ALCAM: variants seen among roughly 807,000 people sequenced by gnomAD.
ALCAM encodes CD166 antigen.
In ALCAM, 30 loss-of-function variants were observed where a neutral mutation model predicts 70.9. The observed-to-expected ratio is 0.42, with a 90% confidence interval of 0.32 to 0.57. The LOEUF (loss-of-function observed/expected upper bound fraction) is 0.57, where lower values mean the gene tolerates loss of function less well. ALCAM is among the 20% of genes least tolerant of loss of function. The probability of loss-of-function intolerance (pLI) is 0.11; values close to 1 mark genes in which losing one functional copy is unlikely to be tolerated. For missense variants in ALCAM, 591 were observed against 695.1 expected, an observed-to-expected ratio of 0.85 and a Z score of 1.68; for synonymous variants, 249 against 242.5, an observed-to-expected ratio of 1.03 and a Z score of -0.25.
chr3:105,470,142 C>T (rs1459169218), intron 1 of ALCAM, among the ~76,000 whole-genome samples: 4 of 150,112 alleles, frequency 2.7e-5, no homozygotes, highest in East Asian at 1.9e-4. Flanking sequence ...TACACACACA[C>T]ACACACACAC....
At chr3:105,369,779 C>T (rs1222048711) in intron 1 of ALCAM, among the ~76,000 whole-genome samples, 1 of 152,112 alleles carries the variant, frequency 6.6e-6, no homozygotes, top group African/African-American at 2.4e-5. Context: ...CCGGGTCTTT[C>T]GGCTTGTAGT....
intron 1 of ALCAM, among the ~76,000 whole-genome samples, chr3:105,475,037 G>C (rs1351653709): frequency 6.6e-6 from 1 of 151,794 alleles, no homozygotes; most frequent in Non-Finnish European, 1.5e-5. Flanking sequence ...TGGCTGGTGG[G>C]TTCATCTCAT....
At chr3:105,376,816 A>G (rs1935390594) in intron 1 of ALCAM, among the ~76,000 whole-genome samples, 1 of 152,130 alleles carries the variant, frequency 6.6e-6, no homozygotes, top group Admixed American at 6.5e-5. Context: ...AAATAACATG[A>G]CTGAGGATGC....
At chr3:105,479,647 A>G (rs1938216620) in intron 1 of ALCAM, among the ~76,000 whole-genome samples, 2 of 152,152 alleles carry the variant, frequency 1.3e-5, no homozygotes, top group African/African-American at 4.8e-5. Flanking sequence ...AGTCTGCTTT[A>G]GCTTGTTAAC....
At chr3:105,441,496 AG>A (rs1438159058) in intron 1 of ALCAM, among the ~76,000 whole-genome samples, 2 of 152,208 alleles carry the variant, frequency 1.3e-5, no homozygotes. Context: ...ATCAATTGAA[AG>A]AAAAAGTCTT....
intron 1 of ALCAM, among the ~76,000 whole-genome samples, chr3:105,373,415 A>G (rs1935291685): frequency 1.3e-5 from 2 of 152,210 alleles, no homozygotes; most frequent in Non-Finnish European, 1.5e-5. Flanking sequence ...CTTGAGGGAG[A>G]TAAATCTCAA....
intron 1 of ALCAM, among the ~76,000 whole-genome samples, chr3:105,464,023 G>T (rs78673361): frequency 3.3e-5 from 5 of 151,324 alleles, no homozygotes; most frequent in Admixed American, 2.6e-4. Context: ...TTCACATTTA[G>T]TGACTATGAA....
rs1939927449 is a variant in ALCAM, at chr3:105,534,724, C to T, written c.609C>T (p.Ser203=). 1 of 1,613,620 alleles carries T rather than the reference C, an allele frequency of 6.2e-7. No homozygotes were observed. Among genetic ancestry groups the T allele is most frequent in the Admixed American group, 1.7e-5 (1 of 59,968 alleles). ...DPVTQLYTMT[S]TLEYKTTKAD... ...TGACTCAGCTCTATACCATGACTTCCACCCTGGAGTACAAGACAACCAAGG... is the reference window on the plus strand; with the variant it reads ...TGACTCAGCTCTATACCATGACTTCTACCCTGGAGTACAAGACAACCAAGG... Residue 203 remains serine, a synonymous_variant, in exon 6 of 16, where the codon TCC becomes TCT. Coordinates refer to ENST00000306107, the MANE Select transcript of ALCAM (RefSeq NM_001627.4).
At position 105,367,395 on chromosome 3, in the gene ALCAM, G is replaced by C. The variant is rs1275585685; in HGVS notation, c.-14G>C. 1 of 1,613,686 alleles carries C rather than the reference G, an allele frequency of 6.2e-7. No individual in the cohort carries two copies. Among genetic ancestry groups the C allele is most frequent in the Non-Finnish European group, 8.5e-7 (1 of 1,179,706 alleles). On this transcript the variant is annotated 5_prime_UTR_variant, in exon 1 of 16. Coordinates refer to ENST00000306107, the MANE Select transcript of ALCAM (RefSeq NM_001627.4). ...GTGGACTCCGTCAGTGGCCCACCAA[G>C]AAGGAGGAGGAATATGGAATCCAAG...
At chr3:105,445,074 T>C (rs962786407) in intron 1 of ALCAM, among the ~76,000 whole-genome samples, 1 of 152,152 alleles carries the variant, frequency 6.6e-6, no homozygotes, top group African/African-American at 2.4e-5. Context: ...TGAGCTCAAA[T>C]AGCAACAAGA....
At chr3:105,504,033 G>A (rs1390823654) in intron 1 of ALCAM, among the ~76,000 whole-genome samples, 4 of 152,202 alleles carry the variant, frequency 2.6e-5, no homozygotes, top group African/African-American at 4.8e-5. Context: ...AGCACTCGTT[G>A]TATGAAAAGC....
chr3:105,566,808 CTGTT>C (rs1420166409), intron 14 of ALCAM, among the ~76,000 whole-genome samples: 2 of 151,996 alleles, frequency 1.3e-5, no homozygotes, highest in Non-Finnish European at 2.9e-5. Flanking sequence ...ATATATTAAA[CTGTT>C]AGTTGTCTTT....
chr3:105,510,098 G>T (rs577557276), intron 1 of ALCAM, among the ~76,000 whole-genome samples: 1 of 152,116 alleles, frequency 6.6e-6, no homozygotes, highest in Admixed American at 6.6e-5. Context: ...AACATACAAA[G>T]AATGTATTAG....
intron 1 of ALCAM, among the ~76,000 whole-genome samples, chr3:105,425,916 G>A (rs916347022): frequency 4.0e-5 from 6 of 151,762 alleles, no homozygotes; most frequent in South Asian, 2.1e-4. Flanking sequence ...CTTAAAGAGC[G>A]AACAGGCGCT....
chr3:105,493,739 T>C (rs1938653962), intron 1 of ALCAM, among the ~76,000 whole-genome samples: 1 of 152,218 alleles, frequency 6.6e-6, no homozygotes, highest in African/African-American at 2.4e-5. Context: ...TATGTCAGAC[T>C]TCTGATCTCC....
At chr3:105,537,503 A>G (rs1940001438) in intron 6 of ALCAM, among the ~76,000 whole-genome samples, 1 of 152,060 alleles carries the variant, frequency 6.6e-6, no homozygotes, top group Non-Finnish European at 1.5e-5. Context: ...CGTTTTAGCC[A>G]TGGTCCTACA....
chr3:105,404,904 G>A lies in ALCAM; in HGVS notation c.73+37423G>A, dbSNP rs138634175. Among the ~76,000 whole-genome samples the A allele has an allele frequency of 4.6e-5, 7 of 152,082 alleles. No homozygotes were observed. The East Asian group carries it at 5.8e-4, about 13-fold the overall frequency. ...ATAAAGGTGTGGAAAAAGATATTCC[G>A]CAAATGGACGCTAAAAGCAAGCAGG... On this transcript the variant is annotated intron_variant, in intron 1 of 15. Transcript: ENST00000306107.
intron 12 of ALCAM, among the ~76,000 whole-genome samples, 163 bp from the exon 13 acceptor site, chr3:105,551,981 G>A (rs1027265677): frequency 6.7e-6 from 1 of 149,386 alleles, no homozygotes; most frequent in African/African-American, 2.4e-5. Flanking sequence ...TTCTTTGTAG[G>A]CAAGGTCATA....
chr3:105,554,673 T>G (rs1314712394), intron 14 of ALCAM, among the ~76,000 whole-genome samples: 2 of 151,984 alleles, frequency 1.3e-5, no homozygotes, highest in African/African-American at 4.8e-5. Context: ...TATAGAAAAT[T>G]CGGAAGACCT....
Sources: gnomAD v4.1 joint callset for allele counts (sites outside exome capture counted in the v4.1 genomes callset) on GRCh38, gnomAD v4.1.1 for gene constraint, MANE v1.5 for transcripts, NCBI Gene and HGNC (gene_info 2026-07-23, HGNC 2026-07-21) for gene names.